The following SGCZ variants were observed in gnomAD, a reference collection of about 807,000 sequenced individuals.
The protein encoded by SGCZ is zeta-sarcoglycan.
Under a neutral mutation model 41.3 loss-of-function variants are expected in SGCZ, and 40 were observed. The observed-to-expected ratio is 0.97, with a 90% CI of 0.75 to 1.26. The LOEUF (loss-of-function observed/expected upper bound fraction) is 1.26. SGCZ is among the 50% of genes most tolerant of loss of function. The pLI, the probability that SGCZ is intolerant of heterozygous loss-of-function variation, is 0.00. For synonymous variants in SGCZ, 206 were observed against 137.5 expected, an observed-to-expected ratio of 1.50 and a Z score of -3.49; for missense variants, 552 against 369.8, an observed-to-expected ratio of 1.49 and a Z score of -4.04.
At chr8:14,723,111 G>A (rs754511676) in intron 1 of SGCZ, among the ~76,000 whole-genome samples, 2 of 152,084 alleles carry the variant, frequency 1.3e-5, no homozygotes, top group East Asian at 1.9e-4. Flanking sequence ...ATAAGATCAC[G>A]GGATCCTTTT....
At chr8:14,122,735 C>T (rs781656206) in intron 5 of SGCZ, among the ~76,000 whole-genome samples, 15 of 152,148 alleles carry the variant, frequency 9.9e-5, no homozygotes, top group Non-Finnish European at 2.1e-4. Flanking sequence ...CAACTCATTT[C>T]TTCTCCCCTT....
At chr8:14,458,758 G>A (rs1464633415) in intron 2 of SGCZ, among the ~76,000 whole-genome samples, 1 of 152,002 alleles carries the variant, frequency 6.6e-6, no homozygotes, top group Non-Finnish European at 1.5e-5. Context: ...TCTGCTAAAA[G>A]GGCCTAGTAG....
At chr8:15,198,319 A>G (rs1800794632) in intron 1 of SGCZ, among the ~76,000 whole-genome samples, 1 of 151,962 alleles carries the variant, frequency 6.6e-6, no homozygotes, top group Non-Finnish European at 1.5e-5. Flanking sequence ...CAAATTTTAT[A>G]TCTCAACAAG....
intron 2 of SGCZ, among the ~76,000 whole-genome samples, chr8:14,416,687 G>T (rs1799502369): frequency 6.6e-6 from 1 of 151,816 alleles, no homozygotes; most frequent in Admixed American, 6.6e-5. Flanking sequence ...TTTTATGTTA[G>T]AAAAGAAATA....
chr8:14,737,479 C>T (rs1432412878), intron 1 of SGCZ, among the ~76,000 whole-genome samples: 2 of 152,068 alleles, frequency 1.3e-5, no homozygotes, highest in African/African-American at 2.4e-5. Flanking sequence ...ACATTCACTT[C>T]GTGCTTATGT....
intron 1 of SGCZ, among the ~76,000 whole-genome samples, chr8:14,864,127 A>C (rs1172260841): frequency 1.3e-5 from 2 of 152,288 alleles, no homozygotes; most frequent in East Asian, 3.9e-4. Flanking sequence ...CTCATTTAGA[A>C]GGGTAAGAAC....
chr8:15,104,580 T>C (rs1441442959), intron 1 of SGCZ, among the ~76,000 whole-genome samples: 1 of 152,238 alleles, frequency 6.6e-6, no homozygotes, highest in African/African-American at 2.4e-5. Flanking sequence ...TTTTCCTGTG[T>C]GTGTTCTTCC....
intron 4 of SGCZ, among the ~76,000 whole-genome samples, chr8:14,232,127 T>G (rs1806593213): frequency 1.2e-5 from 1 of 82,634 alleles, no homozygotes; most frequent in African/African-American, 4.8e-5. Flanking sequence ...CAAACAAATC[T>G]TCTTTCATCA....
intron 2 of SGCZ, among the ~76,000 whole-genome samples, chr8:14,512,295 A>T (rs1233313155): frequency 6.6e-6 from 1 of 152,170 alleles, no homozygotes; most frequent in Non-Finnish European, 1.5e-5. Flanking sequence ...AGATCTATTT[A>T]TACCTTAAGA....
chr8:14,349,643 T>A (rs1408877263), intron 2 of SGCZ, among the ~76,000 whole-genome samples: 2 of 152,140 alleles, frequency 1.3e-5, no homozygotes, highest in Non-Finnish European at 2.9e-5. Flanking sequence ...CTTCTGTTTA[T>A]CATATGCAGG....
intron 1 of SGCZ, among the ~76,000 whole-genome samples, chr8:14,904,188 T>C (rs1449145930): frequency 6.6e-6 from 1 of 152,086 alleles, no homozygotes; most frequent in Non-Finnish European, 1.5e-5. Flanking sequence ...GCAACTTGAA[T>C]TGCTGCTCAC....
intron 1 of SGCZ, among the ~76,000 whole-genome samples, chr8:15,156,859 C>A (rs182771953): frequency 1.3e-5 from 2 of 151,026 alleles, no homozygotes; most frequent in Non-Finnish European, 2.9e-5. Flanking sequence ...GCAGGAGATT[C>A]GCTTGAACCC....
chr8:14,810,252 C>A (rs1196163505), intron 1 of SGCZ, among the ~76,000 whole-genome samples: 2 of 151,890 alleles, frequency 1.3e-5, no homozygotes, highest in Non-Finnish European at 2.9e-5. Flanking sequence ...TACTGAAAAT[C>A]AAAAATTCAA....
At chr8:14,859,962 T>C (rs1445821746) in intron 1 of SGCZ, among the ~76,000 whole-genome samples, 1 of 152,178 alleles carries the variant, frequency 6.6e-6, no homozygotes, top group Non-Finnish European at 1.5e-5. Flanking sequence ...AATGACTCTA[T>C]AATTTTTAAA....
intron 1 of SGCZ, among the ~76,000 whole-genome samples, chr8:14,729,800 T>C (rs563510808): frequency 6.6e-6 from 1 of 152,310 alleles, no homozygotes; most frequent in Non-Finnish European, 1.5e-5. Flanking sequence ...TAGTGCCTTT[T>C]AAGGGAAGGC....
At chr8:14,419,428 A>G (rs964578506) in intron 2 of SGCZ, among the ~76,000 whole-genome samples, 13 of 151,808 alleles carry the variant, frequency 8.6e-5, no homozygotes, top group Non-Finnish European at 1.9e-4. Flanking sequence ...TTTATCCTCT[A>G]TGAGATTTTT....
chr8:14,383,780 G>A (rs936176326), intron 2 of SGCZ, among the ~76,000 whole-genome samples: 1 of 152,130 alleles, frequency 6.6e-6, no homozygotes, highest in Admixed American at 6.6e-5. Flanking sequence ...TGTAAGATCA[G>A]GGACTGTACA....
chr8:14,667,810 A>C (rs1340911021), intron 1 of SGCZ, among the ~76,000 whole-genome samples: 1 of 152,158 alleles, frequency 6.6e-6, no homozygotes, highest in African/African-American at 2.4e-5. Context: ...TATAAACATA[A>C]AAAAGAGATG....
chr8:14,606,038 TA>T (rs1805737674), intron 1 of SGCZ, among the ~76,000 whole-genome samples: 2 of 152,172 alleles, frequency 1.3e-5, no homozygotes, highest in African/African-American at 4.8e-5. Flanking sequence ...ATATCTAATT[TA>T]TCTATAAGTC....
Sources: gnomAD v4.1 joint callset for allele counts (sites outside exome capture counted in the v4.1 genomes callset) on GRCh38, gnomAD v4.1.1 for gene constraint, MANE v1.5 for transcripts, NCBI Gene and HGNC (gene_info 2026-07-23, HGNC 2026-07-21) for gene names.